The following ADAMTS20 variants were observed in gnomAD, a reference collection of about 807,000 sequenced individuals.
The protein encoded by ADAMTS20 is ADAM metallopeptidase with thrombospondin type 1 motif 20.
A neutral mutation model predicts 260.1 loss-of-function variants in ADAMTS20; 225 were observed. The ratio of observed to expected loss-of-function variants is 0.87; its 90% CI spans 0.78 to 0.97. The LOEUF (loss-of-function observed/expected upper bound fraction) is 0.97. Among genes scored for constraint, ADAMTS20 ranks in the 50% least tolerant of loss-of-function variants. The probability of loss-of-function intolerance (pLI) is 0.00; values close to 1 mark genes in which losing one functional copy is unlikely to be tolerated. For missense variants in ADAMTS20, 2,400 were observed against 2,337.7 expected (o/e 1.03, Z -0.55); for synonymous variants, 802 against 769.5 (o/e 1.04, Z -0.70).
rs763907846 is a variant in ADAMTS20 at position 43,502,378 on chromosome 12, G to A, written c.641C>T (p.Pro214Leu). The A allele has an allele frequency of 9.4e-6, 15 of 1,588,178 alleles. No homozygotes were observed. The highest frequency in any genetic ancestry group is 8.2e-5 in the African/African-American group (6 of 72,958). ...SESQIKETSL[P>L]FHTYSNMNED... ...ATTCATGTTGCTGTAGGTATGAAAG[G>A]GTAAACTGGTTTCCTTTATTTGACT... is the stretch of plus-strand genomic sequence containing the variant. The change falls in exon 4 of 39, where the codon CCC becomes CTC. Residue 214 changes from proline (P) to leucine (L), a missense_variant. Coordinates refer to ENST00000389420, the MANE Select transcript of ADAMTS20 (RefSeq NM_025003.5).
intron 21 of ADAMTS20, 70 bp from the exon 22 acceptor site, chr12:43,431,566 T>G: frequency 6.6e-7 from 1 of 1,511,750 alleles, no homozygotes; most frequent in Non-Finnish European, 9.2e-7. Flanking sequence ...ACTGATGCAA[T>G]GATCAATTTG....
intron 3 of ADAMTS20, among the ~76,000 whole-genome samples, chr12:43,514,702 A>G (rs1177416128): frequency 6.6e-6 from 1 of 151,482 alleles, no homozygotes; most frequent in African/African-American, 2.4e-5. Context: ...GGATTATTAT[A>G]TGTATAGCAT....
rs551697539 is a variant in ADAMTS20 at position 43,452,425 on chromosome 12, A to T, written c.1943-15T>A. Reference sequence around the variant, plus strand: ...CTTTGTGCCAACTGTAAAAAAGAAAAAGGTCAAATTTTTAATGTATAATAA... The same window carrying T: ...CTTTGTGCCAACTGTAAAAAAGAAATAGGTCAAATTTTTAATGTATAATAA... On this transcript the variant is annotated splice_polypyrimidine_tract_variant and intron_variant, in intron 13 of 38. Transcript: ENST00000389420. 3.1e-5 allele frequency: 49 copies of T among 1,605,568 alleles called. No homozygotes were observed. The South Asian group carries it at 3.5e-4, about 11-fold the overall frequency.
At chr12:43,360,115 A>G (rs988585738) in intron 37 of ADAMTS20, among the ~76,000 whole-genome samples, 10 of 152,318 alleles carry the variant, frequency 6.6e-5, no homozygotes, top group African/African-American at 1.9e-4. Context: ...AACCGTAAGG[A>G]AACAAACAAC....
intron 37 of ADAMTS20, among the ~76,000 whole-genome samples, chr12:43,358,799 T>C (rs1939803593): frequency 7.5e-6 from 1 of 133,018 alleles, no homozygotes; most frequent in Non-Finnish European, 1.5e-5. Flanking sequence ...ATCGCGCCAC[T>C]GCACTCCAGC....
chr12:43,518,749 C>T (rs1943031501), intron 3 of ADAMTS20, among the ~76,000 whole-genome samples: 1 of 151,358 alleles, frequency 6.6e-6, no homozygotes, highest in Non-Finnish European at 1.5e-5. Flanking sequence ...ATATTCCCTC[C>T]TGAACTTGTA....
At chr12:43,542,050 C>G (rs1292211076) in intron 2 of ADAMTS20, among the ~76,000 whole-genome samples, 3 of 152,122 alleles carry the variant, frequency 2.0e-5, no homozygotes, top group African/African-American at 7.2e-5. Context: ...GCCTTCATAA[C>G]ATGGAGCAAA....
intron 11 of ADAMTS20, among the ~76,000 whole-genome samples, chr12:43,460,944 A>G (rs1463315779): frequency 7.3e-6 from 1 of 137,776 alleles, no homozygotes; most frequent in Non-Finnish European, 1.5e-5. Flanking sequence ...AGAGTTGCCT[A>G]GATAAGAGGC....
chr12:43,521,746 A>G (rs1355625560), intron 3 of ADAMTS20, among the ~76,000 whole-genome samples: 1 of 152,016 alleles, frequency 6.6e-6, no homozygotes, highest in East Asian at 1.9e-4. Context: ...AAGCAACAAA[A>G]TCCTTAAAGT....
At chr12:43,362,802 A>G (rs561623222) in intron 37 of ADAMTS20, among the ~76,000 whole-genome samples, 3 of 151,174 alleles carry the variant, frequency 2.0e-5, no homozygotes, top group African/African-American at 4.9e-5. Flanking sequence ...CATTGTGCAC[A>G]TGTACCTTAA....
At chr12:43,362,560 G>A (rs1939893942) in intron 37 of ADAMTS20, among the ~76,000 whole-genome samples, 1 of 152,118 alleles carries the variant, frequency 6.6e-6, no homozygotes, top group African/African-American at 2.4e-5. Flanking sequence ...GTGATGTGAG[G>A]AGCCCATGGA....
At chr12:43,512,641 T>C (rs1009126732) in intron 3 of ADAMTS20, among the ~76,000 whole-genome samples, 4 of 152,108 alleles carry the variant, frequency 2.6e-5, no homozygotes, top group Non-Finnish European at 4.4e-5. Flanking sequence ...TAATAATAAA[T>C]TTGCAGAAGG....
intron 2 of ADAMTS20, among the ~76,000 whole-genome samples, chr12:43,532,649 AC>A (rs1943241451): frequency 9.4e-6 from 1 of 106,622 alleles, no homozygotes; most frequent in African/African-American, 3.6e-5. Context: ...GGTGCGCTGC[AC>A]CCACTAACGT....
chr12:43,484,812 A>T (rs569059894), intron 7 of ADAMTS20, among the ~76,000 whole-genome samples: 1 of 152,294 alleles, frequency 6.6e-6, no homozygotes, highest in East Asian at 1.9e-4. Flanking sequence ...CTAGAGATTT[A>T]GACATTCAGA....
At chr12:43,487,885 T>G (rs1253172645) in intron 7 of ADAMTS20, among the ~76,000 whole-genome samples, 1 of 152,160 alleles carries the variant, frequency 6.6e-6, no homozygotes, top group Non-Finnish European at 1.5e-5. Flanking sequence ...TATGGTCCCA[T>G]AAAATGGTGG....
intron 4 of ADAMTS20, among the ~76,000 whole-genome samples, chr12:43,497,020 A>G (rs1833028862): frequency 6.6e-6 from 1 of 152,174 alleles, no homozygotes; most frequent in South Asian, 2.1e-4. Context: ...GTATCATCCT[A>G]TTCTAAAAGC....
chr12:43,432,491 T>G, intron 20 of ADAMTS20, 23 bp from the exon 21 acceptor site: 1 of 1,585,152 alleles, frequency 6.3e-7, no homozygotes, highest in South Asian at 1.2e-5. Context: ...AAAAAAGTGG[T>G]AACTAATGGA....
In ADAMTS20 at chr12:43,377,415, T is replaced by C; in HGVS notation, c.4945A>G (p.Ile1649Val). 3 of 1,613,566 alleles carry C rather than the reference T, an allele frequency of 1.9e-6. No homozygotes were observed. The highest frequency in any genetic ancestry group is 2.5e-6 in the Non-Finnish European group (3 of 1,179,668). ...VVPSSQVYQC[I>V]NSCLHLATWK... ...GTGGCCAAATGCAAACAGCTGTTAA[T>C]GCATTGGTAAACCTGAGAGGAAGGC... The change falls in exon 32 of 39, where the codon ATT becomes GTT. Residue 1649 changes from isoleucine (I) to valine (V), a missense_variant. Transcript: ENST00000389420.
intron 3 of ADAMTS20, among the ~76,000 whole-genome samples, chr12:43,524,815 C>CA: frequency 6.6e-6 from 1 of 151,926 alleles, no homozygotes. Context: ...AAAAATGAAG[C>CA]AAAAAATAAT....
Sources: allele counts gnomAD v4.1 joint callset (sites outside exome capture counted in the v4.1 genomes callset), GRCh38; gene constraint gnomAD v4.1.1; transcripts MANE v1.5; gene names NCBI Gene and HGNC (gene_info 2026-07-23, HGNC 2026-07-21).